Variants in UBE2E2 observed in about 807,000 individuals in gnomAD.
UBE2E2 encodes the protein ubiquitin conjugating enzyme E2 E2, also known as ubiquitin-conjugating enzyme E2 E2.
UBE2E2 carries 6 observed loss-of-function variants against 24.7 expected under a neutral mutation model. The ratio of observed to expected loss-of-function variants is 0.24; its 90% CI spans 0.13 to 0.48. The LOEUF (loss-of-function observed/expected upper bound fraction) is 0.48. Among genes scored for constraint, UBE2E2 ranks in the 20% least tolerant of loss-of-function variants. The pLI is 0.99. For synonymous variants in UBE2E2, 104 were observed against 83.6 expected (o/e 1.24, Z -1.33); for missense variants, 169 against 245.0 (o/e 0.69, Z 2.07).
intron 5 of UBE2E2, among the ~76,000 whole-genome samples, chr3:23,538,286 T>C (rs1559415161): frequency 6.6e-6 from 1 of 152,156 alleles, no homozygotes; most frequent in Non-Finnish European, 1.5e-5. Flanking sequence ...TTCTGTCAAC[T>C]TCTGTCTACC....
At chr3:23,490,243 T>C (rs1699468580) in intron 3 of UBE2E2, among the ~76,000 whole-genome samples, 1 of 152,222 alleles carries the variant, frequency 6.6e-6, no homozygotes, top group African/African-American at 2.4e-5. Context: ...TGTATATACA[T>C]GTTGAACATC....
In UBE2E2 at chr3:23,203,458, C is replaced by A. The variant is rs1197304034; in HGVS notation, c.-15C>A. 50 of 979,370 alleles carry A rather than the reference C, an allele frequency of 5.1e-5. No individual in the cohort carries two copies. The highest frequency in any genetic ancestry group is 5.9e-5 in the Non-Finnish European group (49 of 828,590). 60.7% of individuals were successfully genotyped at this position (979,370 alleles called of 1,614,324 possible). On this transcript the variant is annotated 5_prime_UTR_variant, in exon 1 of 6. Coordinates refer to ENST00000396703, the MANE Select transcript of UBE2E2 (RefSeq NM_152653.4). ...GCCTGCGACCTGCACGGACACCCCC[C>A]CCTCAGGTATTCGCTCGGGCCGCGC...
intron 5 of UBE2E2, among the ~76,000 whole-genome samples, chr3:23,572,979 G>A (rs1030959792): frequency 1.3e-5 from 2 of 152,048 alleles, no homozygotes; most frequent in East Asian, 1.9e-4. Flanking sequence ...CTATACCCTG[G>A]GGTGAAATGC....
chr3:23,448,479 AT>A (rs1016338970), intron 3 of UBE2E2, among the ~76,000 whole-genome samples: 4 of 152,144 alleles, frequency 2.6e-5, no homozygotes, highest in Non-Finnish European at 5.9e-5. Context: ...CTAAGTTAGT[AT>A]TTTTTAATAC....
At chr3:23,460,662 CT>C (rs2125424818) in intron 3 of UBE2E2, among the ~76,000 whole-genome samples, 1 of 152,216 alleles carries the variant, frequency 6.6e-6, no homozygotes, top group South Asian at 2.1e-4. Context: ...AGATTATTTT[CT>C]TTTGGGTTGT....
Position 23,323,663 on chromosome 3 carries a change from A to G in UBE2E2, c.227+106351A>G, listed in dbSNP as rs550133913. ...ACTTCTGGGGTTAAGCATTTCAGAT[A>G]AGGGCTATTCAACTTGTGTAAGTTA... is the stretch of plus-strand genomic sequence containing the variant. On this transcript the variant is annotated intron_variant, in intron 3 of 5. Coordinates refer to ENST00000396703, the MANE Select transcript of UBE2E2 (RefSeq NM_152653.4). The G allele has an allele frequency of 1.4e-4, 49 of 338,346 alleles. No individual in the cohort carries two copies. In the East Asian group the frequency reaches 3.9e-3, roughly 27 times the overall value. The allele number at this position is 338,346 out of a possible 1,614,324, so 21.0% of individuals were successfully genotyped here. A position where few individuals can be genotyped will look rare whatever the true frequency, so the allele number is the denominator to read the frequency against.
intron 5 of UBE2E2, among the ~76,000 whole-genome samples, chr3:23,551,183 A>G (rs1295357046): frequency 6.6e-6 from 1 of 152,220 alleles, no homozygotes; most frequent in Non-Finnish European, 1.5e-5. Context: ...ATTCCATAAA[A>G]TATTACCACG....
At chr3:23,477,858 G>T (rs1294454873) in intron 3 of UBE2E2, among the ~76,000 whole-genome samples, 2 of 152,150 alleles carry the variant, frequency 1.3e-5, no homozygotes, top group Non-Finnish European at 2.9e-5. Flanking sequence ...CCCTCATGCT[G>T]TTCTTTTGAC....
chr3:23,559,976 C>T (rs1332010354), intron 5 of UBE2E2, among the ~76,000 whole-genome samples: 1 of 152,046 alleles, frequency 6.6e-6, no homozygotes, highest in Non-Finnish European at 1.5e-5. Context: ...AGAGGCTGTT[C>T]AGTATCTGTC....
chr3:23,314,376 C>T (rs1458604304), intron 3 of UBE2E2, among the ~76,000 whole-genome samples: 2 of 152,112 alleles, frequency 1.3e-5, no homozygotes, highest in Admixed American at 6.6e-5. Context: ...GTGATCCTCT[C>T]GCCTCTACCT....
chr3:23,531,398 C>T (rs75248243), intron 4 of UBE2E2, among the ~76,000 whole-genome samples: 2,221 of 152,128 alleles, frequency 0.015, 39 homozygotes, highest in African/African-American at 0.05. Context: ...ATCTTATTGC[C>T]GTTTACATAA....
intron 3 of UBE2E2, among the ~76,000 whole-genome samples, chr3:23,337,669 T>TA (rs1211856014): frequency 6.6e-6 from 1 of 152,128 alleles, no homozygotes; most frequent in African/African-American, 2.4e-5. Flanking sequence ...AAGGAGTACT[T>TA]ATAGTTTAGT....
At chr3:23,567,319 G>A (rs1314804019) in intron 5 of UBE2E2, among the ~76,000 whole-genome samples, 2 of 152,208 alleles carry the variant, frequency 1.3e-5, no homozygotes, top group African/African-American at 4.8e-5. Context: ...AGCACTGTGT[G>A]TGGACAGAAT....
chr3:23,577,875 A>T (rs1293472844), intron 5 of UBE2E2, among the ~76,000 whole-genome samples: 1 of 152,192 alleles, frequency 6.6e-6, no homozygotes, highest in South Asian at 2.1e-4. Context: ...CAAAAATCCT[A>T]GGACCCTTAA....
chr3:23,455,852 A>C (rs1392267059), intron 3 of UBE2E2, among the ~76,000 whole-genome samples: 1 of 152,040 alleles, frequency 6.6e-6, no homozygotes, highest in Non-Finnish European at 1.5e-5. Flanking sequence ...AGCTGTGGTA[A>C]TTTCTTACAA....
intron 4 of UBE2E2, among the ~76,000 whole-genome samples, chr3:23,508,618 CTCTGATA>C (rs1694510712): frequency 6.6e-6 from 1 of 152,174 alleles, no homozygotes; most frequent in Non-Finnish European, 1.5e-5. Context: ...GAATCAGCCA[CTCTGATA>C]TCTACTGACA....
chr3:23,390,840 A>G (rs2125360657), intron 3 of UBE2E2, among the ~76,000 whole-genome samples: 1 of 152,324 alleles, frequency 6.6e-6, no homozygotes, highest in South Asian at 2.1e-4. Flanking sequence ...ATCTTGTTGT[A>G]TATGAACATG....
intron 3 of UBE2E2, among the ~76,000 whole-genome samples, chr3:23,444,833 C>A (rs890943239): frequency 3.3e-5 from 5 of 152,098 alleles, no homozygotes; most frequent in African/African-American, 1.2e-4. Context: ...TACTTTGGGC[C>A]TAAGACAGTG....
At chr3:23,520,762 C>T (rs1210897956) in intron 4 of UBE2E2, among the ~76,000 whole-genome samples, 7 of 152,168 alleles carry the variant, frequency 4.6e-5, no homozygotes, top group Non-Finnish European at 1.0e-4. Context: ...CCTACCTCAG[C>T]CTCCCAAGTA....
Sources: allele counts gnomAD v4.1 joint callset (sites outside exome capture counted in the v4.1 genomes callset), GRCh38; gene constraint gnomAD v4.1.1; transcripts MANE v1.5; gene names NCBI Gene and HGNC (gene_info 2026-07-23, HGNC 2026-07-21).